The following TNS3 variants were observed in gnomAD, a reference collection of about 807,000 sequenced individuals.
TNS3 encodes the protein tensin-3.
TNS3 carries 45 observed loss-of-function variants against 140.9 expected under a neutral mutation model. The observed-to-expected ratio is 0.32, with a 90% CI of 0.25 to 0.41. The LOEUF (loss-of-function observed/expected upper bound fraction) is 0.41. Ranked by LOEUF, TNS3 falls within the 10% of genes least tolerant of loss-of-function variation. The pLI, the probability that TNS3 is intolerant of heterozygous loss-of-function variation, is 1.00. For synonymous variants in TNS3, 815 were observed against 788.4 expected (o/e 1.03, Z -0.56); for missense variants, 1,716 against 1,906.7 (o/e 0.90, Z 1.86).
At chr7:47,531,605 T>C (rs1339722039) in intron 1 of TNS3, among the ~76,000 whole-genome samples, 1 of 152,238 alleles carries the variant, frequency 6.6e-6, no homozygotes. Flanking sequence ...AATAGTGTAA[T>C]GTGACATGTG....
intron 4 of TNS3, among the ~76,000 whole-genome samples, chr7:47,464,026 AT>A (rs1335781976): frequency 6.6e-6 from 1 of 152,148 alleles, no homozygotes. Flanking sequence ...TCCACCCGTA[AT>A]TTTTATCTAC....
At chr7:47,359,548 A>G (rs1191542941) in intron 17 of TNS3, among the ~76,000 whole-genome samples, 3 of 152,242 alleles carry the variant, frequency 2.0e-5, no homozygotes, top group Admixed American at 6.5e-5. Flanking sequence ...GCTAAATTTT[A>G]TGTTACATGT....
At chr7:47,577,337 G>A (rs1800698317) in intron 1 of TNS3, among the ~76,000 whole-genome samples, 1 of 152,236 alleles carries the variant, frequency 6.6e-6, no homozygotes. Context: ...GAAGAGGAAG[G>A]GCAGACAATC....
At chr7:47,500,558 A>G (rs1032348005) in intron 3 of TNS3, among the ~76,000 whole-genome samples, 4 of 152,208 alleles carry the variant, frequency 2.6e-5, no homozygotes, top group Non-Finnish European at 2.9e-5. Flanking sequence ...ATCCCTCAAC[A>G]GCGCTGACTG....
intron 20 of TNS3, among the ~76,000 whole-genome samples, chr7:47,340,298 T>C (rs1484316244): frequency 6.6e-6 from 1 of 150,594 alleles, no homozygotes; most frequent in Non-Finnish European, 1.5e-5. Context: ...AATTTTTGTA[T>C]TTTGAGTACA....
chr7:47,488,932 G>A (rs530242826), intron 3 of TNS3, among the ~76,000 whole-genome samples: 1 of 152,330 alleles, frequency 6.6e-6, no homozygotes, highest in Non-Finnish European at 1.5e-5. Context: ...ACACAAGCCT[G>A]CAAACAACAG....
At chr7:47,567,972 G>A (rs928015546) in intron 1 of TNS3, among the ~76,000 whole-genome samples, 1 of 152,072 alleles carries the variant, frequency 6.6e-6, no homozygotes, top group Admixed American at 6.6e-5. Flanking sequence ...CGGGCATCCG[G>A]CTGATTCTCC....
At chr7:47,362,965 AGAG>A (rs1562638411) in intron 17 of TNS3, among the ~76,000 whole-genome samples, 4 of 290 alleles carry the variant, frequency 0.014, no homozygotes, top group African/African-American at 0.026. Flanking sequence ...CACCATCATC[AGAG>A]TCATTTACCA....
intron 16 of TNS3, among the ~76,000 whole-genome samples, chr7:47,370,004 A>G (rs1033902231): frequency 6.6e-6 from 1 of 152,240 alleles, no homozygotes; most frequent in Non-Finnish European, 1.5e-5. Flanking sequence ...TTCATCTTAG[A>G]CAAGAAGAGC....
intron 16 of TNS3, among the ~76,000 whole-genome samples, chr7:47,396,277 T>C (rs1018412332): frequency 6.6e-6 from 1 of 152,186 alleles, no homozygotes; most frequent in African/African-American, 2.4e-5. Flanking sequence ...CCAATGTGCA[T>C]ATTACACAGG....
At chr7:47,323,652 G>A (rs1310895573) in intron 20 of TNS3, among the ~76,000 whole-genome samples, 1 of 152,180 alleles carries the variant, frequency 6.6e-6, no homozygotes, top group East Asian at 1.9e-4. Flanking sequence ...CACCATAAAC[G>A]GATAAGATAC....
intron 1 of TNS3, among the ~76,000 whole-genome samples, chr7:47,534,657 G>A (rs1166969024): frequency 6.6e-6 from 1 of 152,178 alleles, no homozygotes; most frequent in Non-Finnish European, 1.5e-5. Flanking sequence ...CGACTATACT[G>A]TAAGTATCTA....
At chr7:47,425,534 TG>T (rs1189282405) in intron 9 of TNS3, among the ~76,000 whole-genome samples, 1 of 152,172 alleles carries the variant, frequency 6.6e-6, no homozygotes, top group East Asian at 1.9e-4. Context: ...ACTTGCTACG[TG>T]CATTTGCTAG....
intron 16 of TNS3, among the ~76,000 whole-genome samples, chr7:47,389,130 A>C (rs868772029): frequency 0.28 from 4,259 of 15,466 alleles, 1,660 homozygotes; most frequent in South Asian, 0.57. Flanking sequence ...GAAGAAGAAG[A>C]AGAAGAAGAA....
chr7:47,528,869 C>T (rs763200188), intron 2 of TNS3, among the ~76,000 whole-genome samples, 167 bp downstream of exon 2: 1 of 152,090 alleles, frequency 6.6e-6, no homozygotes, highest in African/African-American at 2.4e-5. Flanking sequence ...TATGTAAATA[C>T]GGTTGGCCCC....
intron 4 of TNS3, among the ~76,000 whole-genome samples, chr7:47,468,605 A>T (rs1796819081): frequency 6.6e-6 from 1 of 152,220 alleles, no homozygotes. Context: ...AAGCAAATGG[A>T]AAAACATCCC....
chr7:47,572,383 C>A lies in TNS3; in HGVS notation c.-265+9668G>T, dbSNP rs373711161. Among the ~76,000 whole-genome samples the A allele has an allele frequency of 4.8e-4, 73 of 152,314 alleles. 1 individual carries two copies. In the East Asian group the frequency reaches 0.012, roughly 25 times the overall value. ...TCACGCCCACTGCTGCAAACACCTT[C>A]GTGGGAAGAGGAAAATGAATGATCG... On this transcript the variant is annotated intron_variant, in intron 1 of 30. Transcript: ENST00000311160.
At chr7:47,474,690 C>T (rs1040455882) in intron 4 of TNS3, among the ~76,000 whole-genome samples, 2 of 148,654 alleles carry the variant, frequency 1.3e-5, no homozygotes, top group African/African-American at 2.5e-5. Context: ...ACACCTCACA[C>T]ATAATACACA....
chr7:47,361,575 T>C (rs1790338649), intron 17 of TNS3, among the ~76,000 whole-genome samples: 1 of 152,202 alleles, frequency 6.6e-6, no homozygotes, highest in African/African-American at 2.4e-5. Flanking sequence ...GCAGATAAGC[T>C]GCTTTCTGAA....
Sources: gnomAD v4.1 joint callset for allele counts (sites outside exome capture counted in the v4.1 genomes callset) on GRCh38, gnomAD v4.1.1 for gene constraint, MANE v1.5 for transcripts, NCBI Gene and HGNC (gene_info 2026-07-23, HGNC 2026-07-21) for gene names.